Variants in MYT1L observed in about 807,000 individuals in gnomAD.
MYT1L encodes the protein myelin transcription factor 1-like protein.
Under a neutral mutation model 126.7 loss-of-function variants are expected in MYT1L, and 12 were observed. That is an observed-to-expected ratio of 0.09 (90% CI 0.06 to 0.15). MYT1L has a LOEUF of 0.15. Among genes scored for constraint, MYT1L ranks in the 10% least tolerant of loss-of-function variants. MYT1L has a pLI of 1.00. For synonymous variants in MYT1L, 541 were observed against 604.2 expected (o/e 0.90, Z 1.53); for missense variants, 979 against 1,585.2 (o/e 0.62, Z 6.49).
intron 2 of MYT1L, among the ~76,000 whole-genome samples, chr2:2,231,049 G>A (rs145065677): frequency 6.6e-6 from 1 of 152,118 alleles, no homozygotes; most frequent in Non-Finnish European, 1.5e-5. Context: ...AAGGTGCTTC[G>A]CAAATACTTC....
intron 4 of MYT1L, among the ~76,000 whole-genome samples, chr2:1,998,837 C>A (rs2062104607): frequency 6.6e-6 from 1 of 152,102 alleles, no homozygotes; most frequent in African/African-American, 2.4e-5. Flanking sequence ...TTCCTACCCG[C>A]CTTTGGATCT....
At chr2:1,913,596 G>A (rs941097534) in intron 11 of MYT1L, among the ~76,000 whole-genome samples, 1 of 152,132 alleles carries the variant, frequency 6.6e-6, no homozygotes, top group Admixed American at 6.5e-5. Context: ...CCACCACCGT[G>A]TGACAACAGC....
Position 1,917,447 on chromosome 2 carries a change from G to T in MYT1L, c.1484-108C>A. The T allele has an allele frequency of 7.3e-7, 1 of 1,364,658 alleles. No individual in the cohort carries two copies. The highest frequency in any genetic ancestry group is 1.0e-6 in the Non-Finnish European group (1 of 996,270). 84.5% of individuals were successfully genotyped at this position (1,364,658 alleles called of 1,614,324 possible). A position where few individuals can be genotyped will look rare whatever the true frequency, so the allele number is the denominator to read the frequency against. Reference sequence around the variant, plus strand: ...TGCTAAAGAAAGAAATAAAGCAGGTGTCGGGGGCTAGGCTGTGACATCAGA... The same window carrying T: ...TGCTAAAGAAAGAAATAAAGCAGGTTTCGGGGGCTAGGCTGTGACATCAGA... On this transcript the variant is annotated intron_variant, in intron 10 of 24. Coordinates refer to ENST00000647738, the MANE Select transcript of MYT1L (RefSeq NM_001303052.2). This position sits in a 1 kb window ranked among gnomAD's most constrained non-coding sequence, Gnocchi z 5.9.
intron 2 of MYT1L, among the ~76,000 whole-genome samples, chr2:2,236,422 C>A (rs1438970026): frequency 2.8e-5 from 4 of 143,436 alleles, no homozygotes; most frequent in Admixed American, 7.0e-5. Context: ...CCCAACCCAG[C>A]CCAGTACAAC....
chr2:1,911,529 A>G (rs2051973004), intron 12 of MYT1L, among the ~76,000 whole-genome samples: 1 of 152,092 alleles, frequency 6.6e-6, no homozygotes, highest in Non-Finnish European at 1.5e-5. Context: ...TCCAGAATCT[A>G]TTTCCCTGGC....
At chr2:2,206,157 T>A (rs1337352481) in intron 2 of MYT1L, among the ~76,000 whole-genome samples, 1 of 151,886 alleles carries the variant, frequency 6.6e-6, no homozygotes. Context: ...TAATTTTTTT[T>A]AGTAGAGATG....
chr2:1,886,436 G>GT, intron 18 of MYT1L, 103 bp downstream of exon 18: 2 of 863,380 alleles, frequency 2.3e-6, no homozygotes, highest in Non-Finnish European at 1.7e-6. Context: ...CACAGGCCAT[G>GT]TTTTTTAACA....
At position 1,929,203 on chromosome 2, in the gene MYT1L, G is replaced by A. The variant is rs1437806144; in HGVS notation, c.506-5940C>T. Among the ~76,000 whole-genome samples the A allele has an allele frequency of 1.3e-5, 2 of 151,998 alleles. No individual in the cohort carries two copies. Among genetic ancestry groups the A allele is most frequent in the African/African-American group, 2.4e-5 (1 of 41,376 alleles). On this transcript the variant is annotated intron_variant, in intron 9 of 24. Transcript: ENST00000647738. This position sits in a 1 kb window ranked among gnomAD's most constrained non-coding sequence, Gnocchi z 4.7. Reference sequence around the variant, plus strand: ...TTCCCAGCCCGGGTGGCCTTCAGTCGGGCACCTCTCCTAGGTGCGGCGCTG... The same window carrying A: ...TTCCCAGCCCGGGTGGCCTTCAGTCAGGCACCTCTCCTAGGTGCGGCGCTG...
rs745313257 is a variant in MYT1L at position 1,922,700 on chromosome 2, T to C, written c.1069A>G (p.Ile357Val). 6.2e-7 allele frequency: 1 copy of C among 1,613,878 alleles called. No homozygotes were observed. The highest frequency in any genetic ancestry group is 8.5e-7 in the Non-Finnish European group (1 of 1,179,866). Residue 357 changes from isoleucine (I) to valine (V), a missense_variant, in exon 10 of 25, where the codon ATC becomes GTC. Ile to Val is a conservative substitution (Grantham distance 29, BLOSUM62 3). This residue lies in a region of MYT1L where 243 missense variants were observed against 363.9 expected (regional missense o/e 0.67). Transcript: ENST00000647738. The surrounding 1 kb of genome is among the most constrained non-coding windows in gnomAD (Gnocchi z 7.4). ...QERNPQQNMN[I>V]RQHVRPEEDF... ...TCTTCTGGCCGGACATGCTGACGGA[T>C]GTTCATGTTCTGCTGCGGATTCCTC...
At chr2:2,140,498 G>A (rs1244845687) in intron 3 of MYT1L, among the ~76,000 whole-genome samples, 2 of 141,492 alleles carry the variant, frequency 1.4e-5, no homozygotes, top group African/African-American at 2.7e-5. Flanking sequence ...GCAGTGGCAC[G>A]ATCCTGGATC....
intron 2 of MYT1L, among the ~76,000 whole-genome samples, chr2:2,276,099 C>T (rs1048325057): frequency 1.3e-5 from 2 of 152,126 alleles, no homozygotes; most frequent in African/African-American, 2.4e-5. Flanking sequence ...CCACCTGATA[C>T]AGTGGTGTAT....
intron 18 of MYT1L, among the ~76,000 whole-genome samples, chr2:1,854,259 CG>C (rs1483945633): frequency 6.6e-6 from 1 of 151,742 alleles, no homozygotes; most frequent in East Asian, 1.9e-4. Flanking sequence ...TGGAGGGTGG[CG>C]GGGGAACACT....
intron 3 of MYT1L, among the ~76,000 whole-genome samples, chr2:2,165,818 C>A (rs527375908): frequency 6.6e-6 from 1 of 151,328 alleles, no homozygotes; most frequent in Admixed American, 6.6e-5. Context: ...TATTTTTCTA[C>A]TTTGTAAATT....
At chr2:1,927,381 T>G (rs570770439) in intron 9 of MYT1L, among the ~76,000 whole-genome samples, 2 of 152,342 alleles carry the variant, frequency 1.3e-5, no homozygotes, top group East Asian at 3.9e-4. Flanking sequence ...TATAAACAAT[T>G]TATGCTCCAT....
intron 2 of MYT1L, among the ~76,000 whole-genome samples, chr2:2,221,633 G>A (rs564068747): frequency 2.6e-5 from 4 of 152,276 alleles, no homozygotes; most frequent in South Asian, 2.1e-4. Context: ...GGGAGACGCC[G>A]CCCAGGCTCC....
At chr2:1,945,526 G>C (rs946817728) in intron 8 of MYT1L, among the ~76,000 whole-genome samples, 2 of 152,194 alleles carry the variant, frequency 1.3e-5, no homozygotes, top group Non-Finnish European at 2.9e-5. Context: ...TGTGGACCAG[G>C]AGGAGCTTGC....
chr2:2,159,440 G>A (rs2087423230), intron 3 of MYT1L, among the ~76,000 whole-genome samples: 1 of 152,028 alleles, frequency 6.6e-6, no homozygotes, highest in African/African-American at 2.4e-5. Context: ...AAAAGCTCCG[G>A]AAACTCCCTT....
chr2:1,992,450 C>A (rs1420359726), intron 5 of MYT1L, among the ~76,000 whole-genome samples: 2 of 152,152 alleles, frequency 1.3e-5, no homozygotes, highest in East Asian at 3.9e-4. Flanking sequence ...TGCTCCCCTC[C>A]CCTGCTTTCC....
At chr2:2,086,650 G>T (rs2150354571) in intron 3 of MYT1L, among the ~76,000 whole-genome samples, 1 of 152,266 alleles carries the variant, frequency 6.6e-6, no homozygotes, top group South Asian at 2.1e-4. Flanking sequence ...CCCTGCTGTT[G>T]GTTCTGAGGC....
Sources: gnomAD v4.1 joint callset for allele counts (sites outside exome capture counted in the v4.1 genomes callset) on GRCh38, gnomAD v4.1.1 for gene constraint, gnomAD v4.1.1 regional missense constraint, Gnocchi (gnomAD v3.1) non-coding constraint, MANE v1.5 for transcripts, NCBI Gene and HGNC (gene_info 2026-07-23, HGNC 2026-07-21) for gene names.